ACSS1: variants seen among roughly 807,000 people sequenced by gnomAD.
The protein encoded by ACSS1 is acyl-CoA synthetase short chain family member 1.
In ACSS1, 42 loss-of-function variants were observed where a neutral mutation model predicts 75.3. The ratio of observed to expected loss-of-function variants is 0.56; its 90% CI spans 0.44 to 0.72. The LOEUF is 0.72. Among genes scored for constraint, ACSS1 ranks in the 30% least tolerant of loss-of-function variants. The pLI is 0.00. For missense variants in ACSS1, 782 were observed against 935.7 expected, an observed-to-expected ratio of 0.84 and a Z score of 2.14; for synonymous variants, 380 against 376.8, an observed-to-expected ratio of 1.01 and a Z score of -0.10.
At chr20:25,008,059 A>C in intron 13 of ACSS1, 118 bp from the exon 14 acceptor site, 1 of 1,299,116 alleles carries the variant, frequency 7.7e-7, no homozygotes, top group Non-Finnish European at 1.0e-6. Context: ...GGGGATCCAC[A>C]GTGGATGTCT....
Position 25,029,128 on chromosome 20 carries a change from A to G in ACSS1, c.631+1631T>C, listed in dbSNP as rs562058168. Among the ~76,000 whole-genome samples the G allele has an allele frequency of 3.3e-5, 5 of 152,346 alleles. No homozygotes were observed. In the East Asian group the frequency reaches 9.6e-4, roughly 29 times the overall value. On this transcript the variant is annotated intron_variant, in intron 3 of 13. Coordinates refer to ENST00000323482, the MANE Select transcript of ACSS1 (RefSeq NM_032501.4). The stretch of plus-strand genomic sequence containing the variant: ...GAATGGGAGAATATTTGCAAATCAT[A>G]TATCTGATAGAGGTCTAATATTCAG...
chr20:25,046,718 G>T (rs118161221), intron 2 of ACSS1: 6 of 753,578 alleles, frequency 8.0e-6, no homozygotes, highest in South Asian at 1.4e-5. Context: ...CCACCGTGGC[G>T]AGGGGCAGCT....
At chr20:25,012,522 A>T (rs1204869328) in intron 12 of ACSS1, 79 bp downstream of exon 12, 86 of 1,531,160 alleles carry the variant, frequency 5.6e-5, no homozygotes, top group Non-Finnish European at 7.6e-5. Context: ...CACTCTCCAG[A>T]GTCTGCTCCT....
Position 25,023,100 on chromosome 20 carries a change from G to C in ACSS1, c.808-8C>G. 6.2e-7 allele frequency: 1 copy of C among 1,609,134 alleles called. No individual in the cohort carries two copies. The highest frequency in any genetic ancestry group is 8.5e-7 in the Non-Finnish European group (1 of 1,177,476). ...GTCCTCCTTGGCCATTTCCTGGCAG[G>C]GAGAAGAAACAAACAGCCCACCGAG... On this transcript the variant is annotated splice_region_variant and splice_polypyrimidine_tract_variant and intron_variant, in intron 4 of 13. Transcript: ENST00000323482.
At chr20:25,048,292 A>G (rs1600349031) in intron 1 of ACSS1, 111 bp from the exon 2 acceptor site, 1 of 796,178 alleles carries the variant, frequency 1.3e-6, no homozygotes, top group East Asian at 2.6e-5. Flanking sequence ...CTCTTCTTCC[A>G]CTGACAGAGA....
intron 2 of ACSS1, 48 bp downstream of exon 2, chr20:25,048,037 C>A: frequency 6.4e-7 from 1 of 1,568,190 alleles, no homozygotes; most frequent in Non-Finnish European, 8.7e-7. Flanking sequence ...GCACACAGGA[C>A]TGGGCTGGGC....
At chr20:25,009,522 G>A in intron 12 of ACSS1, 134 bp from the exon 13 acceptor site, 2 of 727,054 alleles carry the variant, frequency 2.8e-6, no homozygotes, top group East Asian at 2.5e-5. Flanking sequence ...TGTAGCAGCT[G>A]GTTTCTTTAG....
In ACSS1 at chr20:25,013,964, C is replaced by T. The variant is rs932586269; in HGVS notation, c.1449G>A (p.Glu483=). ...TGTGGGGGAGGCCCATACACACCTT[C>T]TCATCCATGAGGACGGGGACGATGC... ...FFGIVPVLMD[E]KGSVVEGSNV... The change falls in exon 9 of 14, where the codon GAG becomes GAA. Residue 483 remains glutamate (E), a synonymous_variant. Coordinates refer to ENST00000323482, the MANE Select transcript of ACSS1 (RefSeq NM_032501.4). 1 of 1,613,290 alleles carries T rather than the reference C, an allele frequency of 6.2e-7. No individual in the cohort carries two copies. The highest frequency in any genetic ancestry group is 1.3e-5 in the African/African-American group (1 of 74,926).
chr20:25,028,998 A>G (rs2088777525), intron 3 of ACSS1, among the ~76,000 whole-genome samples: 1 of 152,206 alleles, frequency 6.6e-6, no homozygotes, highest in Non-Finnish European at 1.5e-5. Context: ...TAATACAGCA[A>G]AGACACAAGC....
At position 25,020,264 on chromosome 20, in the gene ACSS1, T is replaced by G. The variant is rs940863987; in HGVS notation, c.1109-117A>C. ...ATGTGCAGACGCGCATATGTCCATA[T>G]GAAAGGGATCCCCCCAACCCCCCAC... On this transcript the variant is annotated intron_variant, in intron 6 of 13. Transcript: ENST00000323482. 7.1e-6 allele frequency: 10 copies of G among 1,416,536 alleles called. 1 individual carries two copies. In the Admixed American group the frequency reaches 1.1e-4, roughly 16 times the overall value. The allele number at this position is 1,416,536 out of a possible 1,614,324, so 87.7% of individuals were successfully genotyped here. A position where few individuals can be genotyped will look rare whatever the true frequency, so the allele number is the denominator to read the frequency against.
intron 2 of ACSS1, chr20:25,032,491 C>G: frequency 7.8e-7 from 1 of 1,284,794 alleles, no homozygotes. Context: ...TCTTGCTGTA[C>G]TGACTTTAAT....
chr20:25,042,107 T>C lies in ACSS1; in HGVS notation c.431+5978A>G, dbSNP rs180803491. On this transcript the variant is annotated intron_variant, in intron 2 of 13. Coordinates refer to ENST00000323482, the MANE Select transcript of ACSS1 (RefSeq NM_032501.4). ...GTCCTGTCCCCAACAAAGAGGTCTC[T>C]GTGGACATAAACTCCCTCAGTGTGG... 2.2e-3 allele frequency among the ~76,000 whole-genome samples: 331 copies of C among 152,244 alleles called. 1 individual carries two copies. Among genetic ancestry groups the C allele is most frequent in the African/African-American group, 7.5e-3 (312 of 41,544 alleles).
At chr20:25,043,779 G>A (rs902718218) in intron 2 of ACSS1, among the ~76,000 whole-genome samples, 2 of 152,166 alleles carry the variant, frequency 1.3e-5, no homozygotes, top group Admixed American at 6.5e-5. Flanking sequence ...CTGCTCCTCC[G>A]TGCTTCATGC....
At position 25,009,358 on chromosome 20, in the gene ACSS1, C is replaced by T. The variant is rs750362489; in HGVS notation, c.1802G>A (p.Ser601Asn). ...CACCACCACATCTGAGTCACCCGCA[C>T]TATCTTTCACCACAATGAAGGCAAA... ...AAFAFIVVKD[S>N]AGDSDVVVQE... The change falls in exon 13 of 14, where the codon AGT becomes AAT. Residue 601 changes from serine (S) to asparagine (N), a missense_variant. By Grantham distance (46) the Ser-to-Asn change is conservative. Coordinates refer to ENST00000323482, the MANE Select transcript of ACSS1 (RefSeq NM_032501.4). The T allele has an allele frequency of 1.9e-6, 3 of 1,614,176 alleles. No homozygotes were observed. Among genetic ancestry groups the T allele is most frequent in the South Asian group, 2.2e-5 (2 of 91,070 alleles).
rs1459938016 is a variant in ACSS1 at position 25,020,063 on chromosome 20, C to G, written c.1193G>C (p.Gly398Ala). The G allele has an allele frequency of 6.2e-7, 1 of 1,614,106 alleles. No individual in the cohort carries two copies. The highest frequency in any genetic ancestry group is 8.5e-7 in the Non-Finnish European group (1 of 1,180,048). Residue 398 changes from glycine to alanine, a missense_variant, in exon 7 of 14, where the codon GGT (glycine) becomes GCT (alanine). Physicochemically the swap from Gly to Ala is moderately conservative, Grantham distance 60. Around this residue, in one of 2 missense-constraint regions of ACSS1, gnomAD observed 405 missense variants for 552.6 expected, o/e 0.73. Coordinates refer to ENST00000323482, the MANE Select transcript of ACSS1 (RefSeq NM_032501.4). ...PTAVRLLLKY[G>A]DAWVKKYDRS... The stretch of plus-strand genomic sequence containing the variant: ...ATCATACTTCTTCACCCAGGCATCA[C>G]CGTATTTCAGCAACAGCCGGACAGC...
intron 3 of ACSS1, among the ~76,000 whole-genome samples, chr20:25,028,791 G>A (rs549093975): frequency 2.6e-5 from 4 of 152,070 alleles, no homozygotes; most frequent in Non-Finnish European, 4.4e-5. Flanking sequence ...GCAGTGGCAC[G>A]TGCCTGTAAT....
intron 1 of ACSS1, among the ~76,000 whole-genome samples, chr20:25,050,094 C>T (rs79315751): frequency 0.019 from 2,941 of 152,270 alleles, 49 homozygotes; most frequent in Non-Finnish European, 0.031. Flanking sequence ...AAAATTAATA[C>T]ACGGGTACAG....
chr20:25,035,984 A>G (rs914605180), intron 2 of ACSS1, among the ~76,000 whole-genome samples: 3 of 152,230 alleles, frequency 2.0e-5, no homozygotes, highest in Admixed American at 2.0e-4. Context: ...GCCTTGGGCT[A>G]CAGTTGCAGG....
intron 1 of ACSS1, among the ~76,000 whole-genome samples, chr20:25,051,752 G>A (rs1319744920): frequency 6.6e-6 from 1 of 152,214 alleles, no homozygotes; most frequent in Non-Finnish European, 1.5e-5. Flanking sequence ...TTGGCAGCCT[G>A]GAGTCACCAC....
Sources: allele counts gnomAD v4.1 joint callset (sites outside exome capture counted in the v4.1 genomes callset), GRCh38; gene constraint gnomAD v4.1.1; regional missense constraint gnomAD v4.1.1; transcripts MANE v1.5; gene names NCBI Gene and HGNC (gene_info 2026-07-23, HGNC 2026-07-21).